Variants in TPTE2 observed in about 807,000 individuals in gnomAD.
TPTE2 encodes the protein phosphatidylinositol 3,4,5-trisphosphate 3-phosphatase TPTE2.
In TPTE2, 53 loss-of-function variants were observed where a neutral mutation model predicts 78.6. The observed-to-expected ratio is 0.67, with a 90% CI of 0.54 to 0.85. The LOEUF is 0.85. Ranked by LOEUF, TPTE2 falls within the 40% of genes least tolerant of loss-of-function variation. The probability of loss-of-function intolerance (pLI) is 0.00; values close to 1 mark genes in which losing one functional copy is unlikely to be tolerated. For synonymous variants in TPTE2, 175 were observed against 206.2 expected, an observed-to-expected ratio of 0.85 and a Z score of 1.30; for missense variants, 461 against 623.0, an observed-to-expected ratio of 0.74 and a Z score of 2.77.
intron 3 of TPTE2, among the ~76,000 whole-genome samples, chr13:19,487,625 T>C (rs950809060): frequency 1.3e-5 from 2 of 152,084 alleles, no homozygotes; most frequent in African/African-American, 4.8e-5. Context: ...TTACTTGAGT[T>C]ACAGCCAGTC....
chr13:19,496,042 A>T (rs544218578), intron 1 of TPTE2, among the ~76,000 whole-genome samples: 1 of 152,152 alleles, frequency 6.6e-6, no homozygotes, highest in Admixed American at 6.6e-5. Flanking sequence ...CTAATTTTGT[A>T]TTTTTAGTAG....
chr13:19,428,203 C>T (rs140853512), intron 17 of TPTE2, among the ~76,000 whole-genome samples: 1 of 152,128 alleles, frequency 6.6e-6, no homozygotes, highest in South Asian at 2.1e-4. Flanking sequence ...AATCCCAGCA[C>T]TTTGGGAGGT....
At chr13:19,533,405 T>C (rs79501179) in intron 1 of TPTE2, among the ~76,000 whole-genome samples, 3,706 of 152,316 alleles carry the variant, frequency 0.024, 76 homozygotes, top group Non-Finnish European at 0.036. Flanking sequence ...TTTAAAGATA[T>C]TGGAAAATGA....
Position 19,430,497 on chromosome 13 carries a change from A to T in TPTE2, c.1273T>A (p.Phe425Ile), listed in dbSNP as rs200965269. The change falls in exon 17 of 20, where the codon TTT (phenylalanine) becomes ATT (isoleucine). Residue 425 changes from phenylalanine to isoleucine, a missense_variant. Phe to Ile is a conservative substitution (Grantham distance 21, BLOSUM62 0). Transcript: ENST00000400230. ...CAATTTCCTAATGAAGTACTGGAAA[A>T]GACAACCTTTTTCTCCATTACTACT... 11 of 1,611,030 alleles carry T rather than the reference A, an allele frequency of 6.8e-6. No individual in the cohort carries two copies. In the South Asian group the frequency reaches 1.1e-4, roughly 16 times the overall value.
At chr13:19,490,158 T>C (rs1475337969) in intron 3 of TPTE2, among the ~76,000 whole-genome samples, 1 of 152,164 alleles carries the variant, frequency 6.6e-6, no homozygotes, top group Non-Finnish European at 1.5e-5. Context: ...TATTACTTCA[T>C]TTGTGAGTGA....
intron 17 of TPTE2, among the ~76,000 whole-genome samples, chr13:19,429,729 TAGG>T (rs1876411784): frequency 6.6e-6 from 1 of 152,078 alleles, no homozygotes. Flanking sequence ...GGGTTAGTAA[TAGG>T]AGAATTTGAG....
rs1297163840 is a variant in TPTE2, at chr13:19,486,469, G to A, written c.120-3922C>T. ...GGCCATGGTGCTGTCACTCTAGCCAGGAGCATGGGGATGCAGTTGCTCAAC... is the reference window on the plus strand; with the variant it reads ...GGCCATGGTGCTGTCACTCTAGCCAAGAGCATGGGGATGCAGTTGCTCAAC... On this transcript the variant is annotated intron_variant, in intron 3 of 19. Coordinates refer to ENST00000400230, the Ensembl canonical transcript of TPTE2. The surrounding 1 kb of genome is among the most constrained non-coding windows in gnomAD (Gnocchi z 4.3). 6.6e-6 allele frequency among the ~76,000 whole-genome samples: 1 copy of A among 152,184 alleles called. No homozygotes were observed. The highest frequency in any genetic ancestry group is 1.9e-4 in the East Asian group (1 of 5,178).
At chr13:19,504,493 GT>G (rs954509568), upstream of TPTE2, among the ~76,000 whole-genome samples, 11 of 151,808 alleles carry the variant, frequency 7.2e-5, no homozygotes, top group Non-Finnish European at 1.6e-4. Context: ...CATTAGCTCT[GT>G]TTTTTTTCCC....
At chr13:19,558,050 C>T in the TPTE2 span, among the ~76,000 whole-genome samples, 8 of 152,086 alleles carry the variant, frequency 5.3e-5, no homozygotes, top group African/African-American at 1.9e-4. Context: ...AATATTGATA[C>T]AGTCAGAAAT....
chr13:19,545,174 C>T, the TPTE2 span, among the ~76,000 whole-genome samples: 1 of 151,880 alleles, frequency 6.6e-6, no homozygotes, highest in African/African-American at 2.4e-5. Flanking sequence ...ACTGACTTAG[C>T]AGAGGAGAAG....
chr13:19,535,672 A>AT lies in TPTE2; in HGVS notation c.-44+923_-44+924insA, dbSNP rs1555257944. On this transcript the variant is annotated intron_variant, in intron 1 of 17. Coordinates refer to the TPTE2 transcript ENST00000390680. The surrounding 1 kb of genome is among the most constrained non-coding windows in gnomAD (Gnocchi z 5.1). ...TTTTGAGACGGAGTCTCACTCTGTC[A>AT]CCAGGCTGGAGTGCAATGGTGTGAC... Among the ~76,000 whole-genome samples, 1 of 151,586 alleles carries AT rather than the reference A, an allele frequency of 6.6e-6. No homozygotes were observed. Among genetic ancestry groups the AT allele is most frequent in the Non-Finnish European group, 1.5e-5 (1 of 67,946 alleles).
chr13:19,495,002 G>A (rs1454915978), intron 1 of TPTE2, among the ~76,000 whole-genome samples: 2 of 152,110 alleles, frequency 1.3e-5, no homozygotes, highest in East Asian at 1.9e-4. Flanking sequence ...ACATAGTGAT[G>A]CATCCAGATT....
chr13:19,477,264 G>C (rs1207620040), intron 4 of TPTE2, among the ~76,000 whole-genome samples: 2 of 151,220 alleles, frequency 1.3e-5, no homozygotes, highest in African/African-American at 4.9e-5. Context: ...TTTGAGTACT[G>C]AGTTTAATAC....
chr13:19,521,932 G>C (rs747963565), intron 1 of TPTE2, among the ~76,000 whole-genome samples: 6 of 152,106 alleles, frequency 3.9e-5, no homozygotes, highest in African/African-American at 9.6e-5. Flanking sequence ...TCCTCATGTG[G>C]ATTTGAGTTA....
the TPTE2 span, among the ~76,000 whole-genome samples, chr13:19,549,495 G>A: frequency 1.4e-4 from 21 of 152,058 alleles, no homozygotes; most frequent in African/African-American, 2.4e-4. Context: ...TTAAAAAATC[G>A]AAAACAACAG....
intron 13 of TPTE2, among the ~76,000 whole-genome samples, chr13:19,439,796 G>A (rs1245698568): frequency 1.3e-5 from 2 of 152,106 alleles, no homozygotes; most frequent in Admixed American, 6.5e-5. Flanking sequence ...ATTCACTTAA[G>A]GAATTTCAAA....
rs574396408 is a variant in TPTE2, at chr13:19,517,599, G to A, written c.-43-14322C>T. On this transcript the variant is annotated intron_variant, in intron 1 of 17. Transcript: ENST00000390680. ...TGATGAGGATGAGAGGACAGCATTA[G>A]CCAACAGAGAGGGCAGAGGATGGGA... is the stretch of plus-strand genomic sequence containing the variant. Among the ~76,000 whole-genome samples the A allele has an allele frequency of 7.2e-5, 11 of 152,294 alleles. No individual in the cohort carries two copies. The South Asian group carries it at 2.1e-3, about 29-fold the overall frequency.
At position 19,473,998 on chromosome 13, in the gene TPTE2, TA is replaced by T. The variant is rs768966208; in HGVS notation, c.307del (p.Tyr103IlefsTer11). ...AATAGAACGATACTCCAAAGGAATA[TA>T]AAGTTTGCTGTCAGTGAAAATTAGG... On this transcript the variant is annotated frameshift_variant, in exon 6 of 20. Transcript: ENST00000400230. LOFTEE classifies it high-confidence loss of function. 2.5e-6 allele frequency: 4 copies of T among 1,609,714 alleles called. No homozygotes were observed. In the African/African-American group the frequency reaches 5.4e-5, roughly 22 times the overall value.
At chr13:19,477,360 C>A (rs1880031810) in intron 4 of TPTE2, among the ~76,000 whole-genome samples, 1 of 151,270 alleles carries the variant, frequency 6.6e-6, no homozygotes, top group Admixed American at 6.6e-5. Context: ...TACCTCCAAA[C>A]CTAAAATAAA....
Sources: allele counts gnomAD v4.1 joint callset (sites outside exome capture counted in the v4.1 genomes callset), GRCh38; gene constraint gnomAD v4.1.1; non-coding constraint Gnocchi (gnomAD v3.1); transcripts MANE v1.5; gene names NCBI Gene and HGNC (gene_info 2026-07-23, HGNC 2026-07-21).